MYO9A: variants seen among roughly 807,000 people sequenced by gnomAD.
MYO9A encodes myosin IXA.
In MYO9A, 103 loss-of-function variants were observed where a neutral mutation model predicts 293.3. The observed-to-expected ratio is 0.35, with a 90% CI of 0.30 to 0.41. The LOEUF (loss-of-function observed/expected upper bound fraction) is 0.41. MYO9A is among the 10% of genes least tolerant of loss of function. The pLI, the probability that MYO9A is intolerant of heterozygous loss-of-function variation, is 1.00. For missense variants in MYO9A, 2,685 were observed against 3,033.0 expected, an observed-to-expected ratio of 0.89 and a Z score of 2.69; for synonymous variants, 1,001 against 1,035.7, an observed-to-expected ratio of 0.97 and a Z score of 0.64.
chr15:71,989,329 T>C (rs116950712), intron 11 of MYO9A, among the ~76,000 whole-genome samples: 2,669 of 152,342 alleles, frequency 0.018, 35 homozygotes, highest in Non-Finnish European at 0.026. Context: ...TAAGCTCCTC[T>C]ATCTCATCCT....
chr15:71,944,288 G>C (rs778232001), intron 15 of MYO9A, among the ~76,000 whole-genome samples: 4 of 147,954 alleles, frequency 2.7e-5, no homozygotes, highest in Non-Finnish European at 3.1e-5. Context: ...TGTTTCCCAG[G>C]CTGTGGTATG....
chr15:71,975,550 G>C (rs939810100), intron 12 of MYO9A, among the ~76,000 whole-genome samples: 4 of 151,872 alleles, frequency 2.6e-5, no homozygotes, highest in Non-Finnish European at 5.9e-5. Context: ...GGTCTCAGGA[G>C]CAGGTCACAG....
Position 71,898,333 on chromosome 15 carries a change from A to T in MYO9A, c.4170T>A (p.Thr1390=), listed in dbSNP as rs541198734. ...TSSAEHLKDG[T]MKEMVVCSSE... is the part of the protein sequence containing the mutation. ...AACTGCAGACCACCATTTCCTTCAT[A>T]GTTCCATCCTTCAAATGCTCTGCAC... is the stretch of plus-strand genomic sequence containing the variant. Residue 1390 remains threonine, a synonymous_variant, in exon 25 of 42, where the codon ACT becomes ACA. Coordinates refer to ENST00000356056, the MANE Select transcript of MYO9A (RefSeq NM_006901.4). 1 of 1,613,914 alleles carries T rather than the reference A, an allele frequency of 6.2e-7. No individual in the cohort carries two copies. Among genetic ancestry groups the T allele is most frequent in the Non-Finnish European group, 8.5e-7 (1 of 1,180,046 alleles).
chr15:72,067,132 A>G (rs1012794474), intron 1 of MYO9A, among the ~76,000 whole-genome samples: 2 of 148,206 alleles, frequency 1.3e-5, no homozygotes, highest in Non-Finnish European at 3.0e-5. Context: ...TATTAACTAT[A>G]TTAATTACAT....
intron 2 of MYO9A, among the ~76,000 whole-genome samples, chr15:72,042,183 C>CA (rs769890860): frequency 0.063 from 3,469 of 55,236 alleles, 116 homozygotes; most frequent in East Asian, 0.26. Context: ...AGATAGAATG[C>CA]AAAAAAAAAA....
intron 37 of MYO9A, among the ~76,000 whole-genome samples, 179 bp from the exon 38 acceptor site, chr15:71,850,346 TTGTCTCTGGA>T (rs1398766414): frequency 1.3e-5 from 2 of 152,194 alleles, no homozygotes; most frequent in Non-Finnish European, 2.9e-5. Flanking sequence ...CTTTGTTCCT[TTGTCTCTGGA>T]AAATGTATTT....
chr15:72,091,184 G>GT (rs1333128502), intron 1 of MYO9A, among the ~76,000 whole-genome samples: 1 of 148,196 alleles, frequency 6.7e-6, no homozygotes, highest in Non-Finnish European at 1.5e-5. Flanking sequence ...GCATAACAGA[G>GT]TAAGATCTGT....
chr15:71,826,282 AAG>A lies in MYO9A; in HGVS notation c.*296_*297del. ...TCAACACCCACCTTTGGGAAGGGAA[AAG>A]AGGGTGGGGGAGAGGCAACTACAAC... On this transcript the variant is annotated 3_prime_UTR_variant, in exon 42 of 42. Coordinates refer to ENST00000356056, the MANE Select transcript of MYO9A (RefSeq NM_006901.4). The A allele has an allele frequency of 6.6e-6, 2 of 301,800 alleles. No homozygotes were observed. The highest frequency in any genetic ancestry group is 1.2e-5 in the Non-Finnish European group (2 of 164,012). The allele number at this position is 301,800 out of a possible 1,614,324, so 18.7% of individuals were successfully genotyped here.
intron 2 of MYO9A, among the ~76,000 whole-genome samples, chr15:72,043,936 T>C (rs1197572095): frequency 6.7e-5 from 6 of 89,454 alleles, no homozygotes; most frequent in Non-Finnish European, 9.8e-5. Context: ...CCCTTTCCTT[T>C]TTTTTTTTTT....
intron 35 of MYO9A, 77 bp from the exon 36 acceptor site, chr15:71,852,337 A>G: frequency 1.5e-6 from 2 of 1,331,022 alleles, no homozygotes; most frequent in Non-Finnish European, 1.0e-6. Context: ...AGAAACTATC[A>G]TCATTAAAGG....
chr15:71,913,104 C>T (rs1235135076), intron 19 of MYO9A, among the ~76,000 whole-genome samples: 2 of 151,752 alleles, frequency 1.3e-5, no homozygotes, highest in Non-Finnish European at 2.9e-5. Context: ...TCCTGAGATT[C>T]CAATTACATC....
intron 2 of MYO9A, among the ~76,000 whole-genome samples, chr15:72,038,219 G>A (rs940034400): frequency 6.6e-6 from 1 of 152,136 alleles, no homozygotes; most frequent in African/African-American, 2.4e-5. Context: ...CACCACACCT[G>A]GCCAAAATAC....
intron 32 of MYO9A, among the ~76,000 whole-genome samples, chr15:71,865,283 A>T (rs1399615978): frequency 6.6e-6 from 1 of 152,168 alleles, no homozygotes; most frequent in Non-Finnish European, 1.5e-5. Context: ...CCAAAATCTT[A>T]ATGAATAGTT....
intron 1 of MYO9A, among the ~76,000 whole-genome samples, chr15:72,103,364 CAGCAGCAGAAGCAGA>C (rs986266902): frequency 2.1e-5 from 3 of 142,182 alleles, no homozygotes; most frequent in African/African-American, 8.0e-5. Context: ...GAGACAGAAG[CAGCAGCAGAAGCAGA>C]AGCAGCAGCA....
At chr15:72,112,411 A>G (rs1432810995) in intron 1 of MYO9A, among the ~76,000 whole-genome samples, 1 of 152,224 alleles carries the variant, frequency 6.6e-6, no homozygotes. Context: ...AGTGCTTTAC[A>G]TGTTTACTAT....
At chr15:71,856,930 A>C (rs1313156484) in intron 34 of MYO9A, among the ~76,000 whole-genome samples, 3 of 152,230 alleles carry the variant, frequency 2.0e-5, no homozygotes, top group Non-Finnish European at 4.4e-5. Context: ...GTAGAGATTA[A>C]GTTGAACATA....
chr15:71,919,987 C>A (rs978344507), intron 18 of MYO9A, among the ~76,000 whole-genome samples: 3 of 151,964 alleles, frequency 2.0e-5, no homozygotes, highest in African/African-American at 7.3e-5. Context: ...AGGTCAGACT[C>A]TGTTGTAAGT....
intron 18 of MYO9A, among the ~76,000 whole-genome samples, chr15:71,925,193 A>ATACATATACG (rs1256822233): frequency 3.6e-4 from 1 of 2,744 alleles, no homozygotes; most frequent in African/African-American, 6.8e-4. Flanking sequence ...ACATGTGTAT[A>ATACATATACG]TATACACATA....
chr15:72,002,804 A>G (rs934607144), intron 8 of MYO9A, among the ~76,000 whole-genome samples: 1 of 152,224 alleles, frequency 6.6e-6, no homozygotes, highest in African/African-American at 2.4e-5. Context: ...ATTATACACA[A>G]TATTTTATTA....
Sources: allele counts gnomAD v4.1 joint callset (sites outside exome capture counted in the v4.1 genomes callset), GRCh38; gene constraint gnomAD v4.1.1; transcripts MANE v1.5; gene names NCBI Gene and HGNC (gene_info 2026-07-23, HGNC 2026-07-21).